Variants in LARP4 observed in about 807,000 individuals in gnomAD.
The protein encoded by LARP4 is la-related protein 4.
A neutral mutation model predicts 92.9 loss-of-function variants in LARP4; 29 were observed. The ratio of observed to expected loss-of-function variants is 0.31; its 90% CI spans 0.23 to 0.43. The LOEUF (loss-of-function observed/expected upper bound fraction) is 0.43. Ranked by LOEUF, LARP4 falls within the 20% of genes least tolerant of loss-of-function variation. LARP4 has a pLI of 1.00. For synonymous variants in LARP4, 279 were observed against 284.1 expected (o/e 0.98, Z 0.18); for missense variants, 732 against 860.0 (o/e 0.85, Z 1.86).
chr12:50,475,521 C>T lies in LARP4; in HGVS notation c.1837-5C>T. 1 of 1,593,074 alleles carries T rather than the reference C, an allele frequency of 6.3e-7. No individual in the cohort carries two copies. Among genetic ancestry groups the T allele is most frequent in the South Asian group, 1.1e-5 (1 of 88,542 alleles). On this transcript the variant is annotated splice_polypyrimidine_tract_variant and splice_region_variant and intron_variant, in intron 15 of 15. Coordinates refer to ENST00000398473, the MANE Select transcript of LARP4 (RefSeq NM_052879.5). ...TAAATGTTTTTTTTTATCATCACTT[C>T]AAAGGAACCCCGAAAGTTAAGTTAT...
At chr12:50,437,289 G>T (rs776369765) in intron 5 of LARP4, among the ~76,000 whole-genome samples, 1 of 152,074 alleles carries the variant, frequency 6.6e-6, no homozygotes, top group Non-Finnish European at 1.5e-5. Context: ...TAGTTTAAGG[G>T]CTTCTTGAAC....
chr12:50,474,584 T>TGAC lies in LARP4; in HGVS notation c.1836+419_1836+420insCGA, dbSNP rs570912269. Among the ~76,000 whole-genome samples, 1,127 of 152,294 alleles carry TGAC rather than the reference T, an allele frequency of 7.4e-3. 10 individuals carry two copies. The highest frequency in any genetic ancestry group is 0.03 in the South Asian group (147 of 4,828). ...GGATGGTCTCAATCTCCTGACCTCGTGATCCACCCGCCTCGGCCTCCCAAA... is the reference window on the plus strand; with the variant it reads ...GGATGGTCTCAATCTCCTGACCTCGTGACGATCCACCCGCCTCGGCCTCCCAAA... On this transcript the variant is annotated intron_variant, in intron 15 of 15. Coordinates refer to ENST00000398473, the MANE Select transcript of LARP4 (RefSeq NM_052879.5).
chr12:50,479,693 T>C lies in LARP4; in HGVS notation c.*3829T>C, dbSNP rs1957760880. The C allele has an allele frequency of 6.6e-6, 1 of 152,228 alleles. No homozygotes were observed. The highest frequency in any genetic ancestry group is 2.4e-5 in the African/African-American group (1 of 41,466). 9.4% of individuals were successfully genotyped at this position (152,228 alleles called of 1,614,324 possible). A position where few individuals can be genotyped will look rare whatever the true frequency, so the allele number is the denominator to read the frequency against. ...ATGGGCTGTGTATTAAATGGTTTTA[T>C]TTTCAGTTTTGCAGCACAGAACACT... On this transcript the variant is annotated 3_prime_UTR_variant, in exon 16 of 16. Coordinates refer to ENST00000398473, the MANE Select transcript of LARP4 (RefSeq NM_052879.5).
intron 8 of LARP4, among the ~76,000 whole-genome samples, chr12:50,451,997 T>G (rs1352716281): frequency 6.6e-6 from 1 of 152,066 alleles, no homozygotes; most frequent in Non-Finnish European, 1.5e-5. Context: ...AGCAAGACTC[T>G]GTCTCAAAAA....
In LARP4 at chr12:50,404,751, G is replaced by A. The variant is rs1035777106; in HGVS notation, c.18+3723G>A. Among the ~76,000 whole-genome samples, 10 of 138,924 alleles carry A rather than the reference G, an allele frequency of 7.2e-5. No individual in the cohort carries two copies. The East Asian group carries it at 2.2e-3, about 30-fold the overall frequency. The allele number at this position is 138,924 out of a possible 152,430, so 91.1% of individuals were successfully genotyped here. On this transcript the variant is annotated intron_variant, in intron 1 of 15. Coordinates refer to ENST00000398473, the MANE Select transcript of LARP4 (RefSeq NM_052879.5). ...GTTGCCCAGGCTGGAGTGCAGTGGCGCCATCTCGGCTCACTGCAACCTCCA... is the reference window on the plus strand; with the variant it reads ...GTTGCCCAGGCTGGAGTGCAGTGGCACCATCTCGGCTCACTGCAACCTCCA...
At chr12:50,441,076 G>A (rs1286201451) in intron 7 of LARP4, among the ~76,000 whole-genome samples, 1 of 151,888 alleles carries the variant, frequency 6.6e-6, no homozygotes, top group Non-Finnish European at 1.5e-5. Context: ...GTAGAGGTGG[G>A]GTTTCACCAT....
At chr12:50,439,437 G>A (rs967832192) in intron 6 of LARP4, among the ~76,000 whole-genome samples, 21 of 151,956 alleles carry the variant, frequency 1.4e-4, no homozygotes, top group African/African-American at 3.9e-4. Context: ...AGGTCTTGCC[G>A]TGTCACTGAG....
chr12:50,456,999 G>A (rs1328354614), intron 10 of LARP4, among the ~76,000 whole-genome samples: 1 of 152,008 alleles, frequency 6.6e-6, no homozygotes, highest in African/African-American at 2.4e-5. Flanking sequence ...TGCAACCTCT[G>A]CTTCCCGAGT....
At chr12:50,456,927 T>G (rs1954362510) in intron 10 of LARP4, among the ~76,000 whole-genome samples, 1 of 152,184 alleles carries the variant, frequency 6.6e-6, no homozygotes, top group African/African-American at 2.4e-5. Flanking sequence ...TAAATTTTTT[T>G]TTTTGAGACG....
chr12:50,400,897 T>C lies in LARP4; in HGVS notation c.-114T>C. On this transcript the variant is annotated 5_prime_UTR_variant, in exon 1 of 16. Transcript: ENST00000398473. The stretch of plus-strand genomic sequence containing the variant: ...ACGGCAGGGGAGGAGCCGGGTCCAC[T>C]GCCGGGTGGAGGGGCAAGGCGAGTG... The C allele has an allele frequency of 4.1e-6, 6 of 1,464,770 alleles. No homozygotes were observed. The highest frequency in any genetic ancestry group is 5.7e-6 in the Non-Finnish European group (6 of 1,044,236). 90.7% of individuals were successfully genotyped at this position (1,464,770 alleles called of 1,614,324 possible).
intron 12 of LARP4, among the ~76,000 whole-genome samples, chr12:50,464,185 T>C (rs1955842204): frequency 6.6e-6 from 1 of 152,160 alleles, no homozygotes; most frequent in Non-Finnish European, 1.5e-5. Flanking sequence ...GGATAATTCA[T>C]AAAGAAAAGA....
intron 1 of LARP4, among the ~76,000 whole-genome samples, chr12:50,408,459 A>G (rs1461343508): frequency 6.6e-6 from 1 of 152,024 alleles, no homozygotes; most frequent in Non-Finnish European, 1.5e-5. Context: ...GGCCTCCCAA[A>G]GTGCTGGGAC....
rs886567705 is a variant in LARP4, at chr12:50,476,777, A to G, written c.*913A>G. The G allele has an allele frequency of 1.3e-5, 2 of 152,600 alleles. No homozygotes were observed. The highest frequency in any genetic ancestry group is 6.5e-5 in the Admixed American group (1 of 15,274). 9.5% of individuals were successfully genotyped at this position (152,600 alleles called of 1,614,324 possible). On this transcript the variant is annotated 3_prime_UTR_variant, in exon 16 of 16. Coordinates refer to ENST00000398473, the MANE Select transcript of LARP4 (RefSeq NM_052879.5). ...TTGACTGCCCACCCACAGAAAAGCA[A>G]AATAACCAACTACCTACTCAATTGT...
rs762226932 is a variant in LARP4, at chr12:50,461,282, A to G, written c.1269A>G (p.Gln423=). 5 of 1,613,988 alleles carry G rather than the reference A, an allele frequency of 3.1e-6. No homozygotes were observed. The change falls in exon 11 of 16, where the codon CAA becomes CAG. Residue 423 remains glutamine (Q), a synonymous_variant. Transcript: ENST00000398473. ...HNPTVTGHQE[Q]TYLQKETSTL... ...CCACAGTAACTGGGCATCAGGAGCAAACTTACCTTCAGAAGGAGACTTCCA... is the reference window on the plus strand; with the variant it reads ...CCACAGTAACTGGGCATCAGGAGCAGACTTACCTTCAGAAGGAGACTTCCA...
chr12:50,471,334 G>A (rs1216475839), intron 13 of LARP4, among the ~76,000 whole-genome samples: 2 of 151,962 alleles, frequency 1.3e-5, no homozygotes, highest in Non-Finnish European at 2.9e-5. Context: ...CATTCTGTAT[G>A]GTTTGAGATT....
intron 1 of LARP4, among the ~76,000 whole-genome samples, chr12:50,422,111 A>G (rs1221286649): frequency 1.3e-5 from 2 of 151,786 alleles, no homozygotes; most frequent in African/African-American, 4.8e-5. Flanking sequence ...CTGGGACTAT[A>G]GGCATCCACC....
intron 8 of LARP4, among the ~76,000 whole-genome samples, chr12:50,448,290 A>G (rs1434365317): frequency 6.6e-6 from 1 of 152,158 alleles, no homozygotes; most frequent in African/African-American, 2.4e-5. Context: ...GTTTAGTGCT[A>G]TTAAATACAT....
intron 12 of LARP4, among the ~76,000 whole-genome samples, 200 bp downstream of exon 12, chr12:50,462,830 T>A (rs10783362): frequency 1.3e-5 from 2 of 151,968 alleles, no homozygotes; most frequent in Non-Finnish European, 2.9e-5. Flanking sequence ...AGTAAGGAGC[T>A]TCGCTTGTGT....
At chr12:50,417,506 T>G (rs1947037938) in intron 1 of LARP4, among the ~76,000 whole-genome samples, 1 of 152,166 alleles carries the variant, frequency 6.6e-6, no homozygotes, top group African/African-American at 2.4e-5. Context: ...GAGGAAGTTG[T>G]GAATTAACAT....
Sources: gnomAD v4.1 joint callset for allele counts (sites outside exome capture counted in the v4.1 genomes callset) on GRCh38, gnomAD v4.1.1 for gene constraint, MANE v1.5 for transcripts, NCBI Gene and HGNC (gene_info 2026-07-23, HGNC 2026-07-21) for gene names.